ARHGAP9: variants seen among roughly 807,000 people sequenced by gnomAD.
ARHGAP9 encodes the protein rho GTPase-activating protein 9.
Under a neutral mutation model 87.3 loss-of-function variants are expected in ARHGAP9, and 76 were observed. The ratio of observed to expected loss-of-function variants is 0.87; its 90% CI spans 0.72 to 1.05. ARHGAP9 has a LOEUF of 1.05. Ranked by LOEUF, ARHGAP9 falls within the 50% of genes least tolerant of loss-of-function variation. The probability of loss-of-function intolerance (pLI) is 0.00; values close to 1 mark genes in which losing one functional copy is unlikely to be tolerated. For synonymous variants in ARHGAP9, 382 were observed against 394.9 expected, an observed-to-expected ratio of 0.97 and a Z score of 0.39; for missense variants, 941 against 960.5, an observed-to-expected ratio of 0.98 and a Z score of 0.27.
intron 3 of ARHGAP9, 104 bp from the exon 4 acceptor site, chr12:57,477,784 C>T: frequency 3.2e-6 from 5 of 1,541,668 alleles, no homozygotes; most frequent in Non-Finnish European, 4.4e-6. Flanking sequence ...TGTCTTCTCA[C>T]CGCCAGCTCT....
intron 5 of ARHGAP9, 51 bp from the exon 6 acceptor site, chr12:57,477,014 C>T (rs1229029845): frequency 1.3e-6 from 2 of 1,587,814 alleles, no homozygotes; most frequent in Admixed American, 3.4e-5. Context: ...ACTCAGGGAT[C>T]CCTGGCTGAA....
Position 57,472,299 on chromosome 12 carries a change from G to A in ARHGAP9, c.*218C>T. ...TGCCACTTTATGTATTATTATGTTGGGGAGGAATGATAACAGGGAACAAGA... is the reference window on the plus strand; with the variant it reads ...TGCCACTTTATGTATTATTATGTTGAGGAGGAATGATAACAGGGAACAAGA... On this transcript the variant is annotated 3_prime_UTR_variant, in exon 18 of 18. Transcript: ENST00000393791. The A allele has an allele frequency of 1.6e-6, 1 of 621,332 alleles. No homozygotes were observed. The highest frequency in any genetic ancestry group is 2.7e-6 in the Non-Finnish European group (1 of 368,572). The allele number at this position is 621,332 out of a possible 1,614,324, so 38.5% of individuals were successfully genotyped here.
Position 57,478,399 on chromosome 12 carries a change from C to T in ARHGAP9, c.534+141G>A, listed in dbSNP as rs1209986149. ...GCCACTCTCCACCACATTAACTTGC[C>T]TTTAGACTTATCAGTAGTACCAAGC... On this transcript the variant is annotated intron_variant, in intron 3 of 17. Coordinates refer to ENST00000393791, the MANE Select transcript of ARHGAP9 (RefSeq NM_032496.4). 1.2e-5 allele frequency: 10 copies of T among 867,190 alleles called. No homozygotes were observed. The Admixed American group carries it at 2.6e-4, about 23-fold the overall frequency. The allele number at this position is 867,190 out of a possible 1,614,324, so 53.7% of individuals were successfully genotyped here.
At position 57,474,963 on chromosome 12, in the gene ARHGAP9, G is replaced by A. The variant is rs962667858; in HGVS notation, c.1563C>T (p.Phe521=). 5.6e-6 allele frequency: 9 copies of A among 1,613,750 alleles called. No individual in the cohort carries two copies. The highest frequency in any genetic ancestry group is 3.3e-5 in the South Asian group (3 of 91,066). Residue 521 remains phenylalanine (F), a synonymous_variant, in exon 13 of 18, where the codon TTC becomes TTT. Coordinates refer to ENST00000393791, the MANE Select transcript of ARHGAP9 (RefSeq NM_032496.4). ...QERGLLRDQV[F]GCQLESLCQR... ...GGCAGAGTGATTCCAACTGGCAGCC[G>A]AACACCTGGTCTGGGGAAGTAGAGT...
intron 1 of ARHGAP9, chr12:57,488,430 G>T (rs1207354473): frequency 1.2e-6 from 1 of 834,602 alleles, no homozygotes; most frequent in Non-Finnish European, 1.9e-6. Context: ...CCCCTCTTCC[G>T]TCTTCCCGGT....
In ARHGAP9 at chr12:57,475,369, G is replaced by T; in HGVS notation, c.1474C>A (p.Arg492Ser). The T allele has an allele frequency of 6.3e-7, 1 of 1,599,970 alleles. No individual in the cohort carries two copies. Among genetic ancestry groups the T allele is most frequent in the Non-Finnish European group, 8.5e-7 (1 of 1,173,228 alleles). Residue 492 changes from arginine to serine, a missense_variant, in exon 12 of 18, where the codon CGC becomes AGC. Coordinates refer to ENST00000393791, the MANE Select transcript of ARHGAP9 (RefSeq NM_032496.4). ...AGCCGCTTTAGTTTGTTGCGCACGCGGTTCTGCTCGGTGCCTTCGGGCCCC... is the reference window on the plus strand; with the variant it reads ...AGCCGCTTTAGTTTGTTGCGCACGCTGTTCTGCTCGGTGCCTTCGGGCCCC... ...IRGPEGTEQN[R>S]VRNKLKRLIA...
chr12:57,475,454 G>A (rs755596840), intron 11 of ARHGAP9, 29 bp downstream of exon 11: 2 of 1,580,426 alleles, frequency 1.3e-6, no homozygotes, highest in East Asian at 2.3e-5. Context: ...CTGCGCTCCC[G>A]GACTCTCCCT....
chr12:57,487,871 AAAAG>A, intron 1 of ARHGAP9: 6 of 468,332 alleles, frequency 1.3e-5, no homozygotes, highest in Admixed American at 3.9e-5. Context: ...AAAAAAAAAA[AAAAG>A]TGCAGTCTAG....
At chr12:57,475,957 G>A (rs755942889) in intron 9 of ARHGAP9, 26 bp from the exon 10 acceptor site, 1 of 1,602,676 alleles carries the variant, frequency 6.2e-7, no homozygotes, top group Non-Finnish European at 8.5e-7. Flanking sequence ...GGAAACGCTC[G>A]GGTCAACGGG....
chr12:57,486,699 C>T (rs961517131), intron 1 of ARHGAP9, among the ~76,000 whole-genome samples: 5 of 149,488 alleles, frequency 3.3e-5, no homozygotes, highest in Non-Finnish European at 7.5e-5. Context: ...TCCTGGCTAA[C>T]ACGGTGAAAC....
chr12:57,486,398 T>C (rs1358493241), intron 1 of ARHGAP9, among the ~76,000 whole-genome samples: 1 of 151,516 alleles, frequency 6.6e-6, no homozygotes, highest in Non-Finnish European at 1.5e-5. Context: ...GCCTCCTGAG[T>C]AGCTGGGATG....
chr12:57,482,529 C>A (rs1051442184), upstream of ARHGAP9, among the ~76,000 whole-genome samples: 1 of 151,998 alleles, frequency 6.6e-6, no homozygotes, highest in Non-Finnish European at 1.5e-5. Flanking sequence ...CGTGAGCCAC[C>A]GCGCCTGGCC....
At chr12:57,480,985 A>T, upstream of ARHGAP9, 1 of 692,554 alleles carries the variant, frequency 1.4e-6, no homozygotes, top group South Asian at 1.7e-5. Flanking sequence ...CAACACATGG[A>T]GAATCCTACC....
At chr12:57,483,656 C>T (rs1194009418), upstream of ARHGAP9, among the ~76,000 whole-genome samples, 1 of 152,176 alleles carries the variant, frequency 6.6e-6, no homozygotes, top group Non-Finnish European at 1.5e-5. Context: ...TTTCCTTTGC[C>T]TGAAACACGT....
At position 57,472,276 on chromosome 12, in the gene ARHGAP9, C is replaced by T; in HGVS notation, c.*241G>A. ...GAACTGCATCAGAAAAAATACCATG[C>T]CACTTTATGTATTATTATGTTGGGG... On this transcript the variant is annotated 3_prime_UTR_variant, in exon 18 of 18. Coordinates refer to ENST00000393791, the MANE Select transcript of ARHGAP9 (RefSeq NM_032496.4). The T allele has an allele frequency of 1.7e-6, 1 of 602,946 alleles. No individual in the cohort carries two copies. Among genetic ancestry groups the T allele is most frequent in the Non-Finnish European group, 2.8e-6 (1 of 355,858 alleles). 37.3% of individuals were successfully genotyped at this position (602,946 alleles called of 1,614,324 possible).
In ARHGAP9 at chr12:57,475,707, C is replaced by T. The variant is rs530859975; in HGVS notation, c.1312-92G>A. On this transcript the variant is annotated intron_variant, in intron 10 of 17. Coordinates refer to ENST00000393791, the MANE Select transcript of ARHGAP9 (RefSeq NM_032496.4). ...GACCCACTGCCGGGGTCCCACATCC[C>T]GGCCCAGGCAAGGGCTCTCCACTGA... 31 of 1,548,520 alleles carry T rather than the reference C, an allele frequency of 2.0e-5. 1 individual carries two copies. In the Middle Eastern group the frequency reaches 6.0e-4, roughly 30 times the overall value.
At chr12:57,488,528 A>G in intron 1 of ARHGAP9, 1 of 1,523,154 alleles carries the variant, frequency 6.6e-7, no homozygotes, top group Non-Finnish European at 8.9e-7. Context: ...AGTTACTAGC[A>G]TGACAGCCCC....
In ARHGAP9 at chr12:57,479,764, G is replaced by A. The variant is rs1419027671; in HGVS notation, c.-53C>T. ...CCCATCAGAAGATTCAGGAGCAGGA[G>A]TTGGTCCTGGGTAGTGGTGGGAGTC... On this transcript the variant is annotated 5_prime_UTR_variant, in exon 1 of 18. Transcript: ENST00000393791. 8 of 1,550,514 alleles carry A rather than the reference G, an allele frequency of 5.2e-6. No homozygotes were observed. The Admixed American group carries it at 5.9e-5, about 11-fold the overall frequency.
At chr12:57,478,306 T>C in intron 3 of ARHGAP9, 1 of 537,992 alleles carries the variant, frequency 1.9e-6, no homozygotes, top group Non-Finnish European at 3.3e-6. Flanking sequence ...CTCGGCTGCC[T>C]CTTTCTCCTC....
Sources: gnomAD v4.1 joint callset for allele counts (sites outside exome capture counted in the v4.1 genomes callset) on GRCh38, gnomAD v4.1.1 for gene constraint, MANE v1.5 for transcripts, NCBI Gene and HGNC (gene_info 2026-07-23, HGNC 2026-07-21) for gene names.